The following HEG1 variants were observed in gnomAD, a reference collection of about 807,000 sequenced individuals.
The protein encoded by HEG1 is heart development protein with EGF like domains 1, also known as protein HEG homolog 1.
In HEG1, 56 loss-of-function variants were observed where a neutral mutation model predicts 125.6. That is an observed-to-expected ratio of 0.45 (90% CI 0.36 to 0.56). The LOEUF (loss-of-function observed/expected upper bound fraction) is 0.56. HEG1 is among the 20% of genes least tolerant of loss of function. The pLI, the probability that HEG1 is intolerant of heterozygous loss-of-function variation, is 0.00. For missense variants in HEG1, 1,523 were observed against 1,670.0 expected (o/e 0.91, Z 1.53); for synonymous variants, 644 against 668.5 (o/e 0.96, Z 0.57).
chr3:125,046,370 T>C (rs1004553916), intron 1 of HEG1, among the ~76,000 whole-genome samples: 1 of 143,918 alleles, frequency 6.9e-6, no homozygotes. Context: ...TTTTCATATA[T>C]ATGTATATGT....
rs1010911310 is a variant in HEG1, at chr3:124,966,984, C to T, written c.*3668G>A. ...TAGGAGTCCAAAGATGCTGCCTTCT[C>T]CCTTGGGCCCACTTTAAGAGTTACC... On this transcript the variant is annotated 3_prime_UTR_variant, in exon 17 of 17. Coordinates refer to ENST00000311127, the MANE Select transcript of HEG1 (RefSeq NM_020733.2). 3.3e-5 allele frequency: 5 copies of T among 152,200 alleles called. No homozygotes were observed. The highest frequency in any genetic ancestry group is 5.9e-5 in the Non-Finnish European group (4 of 68,034). The allele number at this position is 152,200 out of a possible 1,614,324, so 9.4% of individuals were successfully genotyped here.
rs1228806028 is a variant in HEG1 at position 125,001,452 on chromosome 3, GT to G, written c.3517+399del. 4.4e-4 allele frequency among the ~76,000 whole-genome samples: 67 copies of G among 151,836 alleles called. 2 individuals carry two copies. The highest frequency in any genetic ancestry group is 4.3e-3 in the Admixed American group (66 of 15,250). Reference sequence around the variant, plus strand: ...AGCCACTGCCTCTGGCCAGATGAAGGTTTTTTTGGGTCATTGACAAGCATGT... The same window carrying G: ...AGCCACTGCCTCTGGCCAGATGAAGGTTTTTTGGGTCATTGACAAGCATGT... On this transcript the variant is annotated intron_variant, in intron 11 of 16. Coordinates refer to ENST00000311127, the MANE Select transcript of HEG1 (RefSeq NM_020733.2).
chr3:124,977,805 C>A, intron 15 of HEG1, 54 bp downstream of exon 15: 3 of 1,182,492 alleles, frequency 2.5e-6, no homozygotes, highest in Non-Finnish European at 2.5e-6. Context: ...CAAACTGACC[C>A]TTGTATAGCA....
At chr3:125,029,735 C>CA (rs1004265993) in intron 1 of HEG1, among the ~76,000 whole-genome samples, 17 of 151,926 alleles carry the variant, frequency 1.1e-4, no homozygotes, top group Admixed American at 5.9e-4. Context: ...ATTAAAAATA[C>CA]AAAAAAATTA....
At position 125,055,763 on chromosome 3, in the gene HEG1, C is replaced by G; in HGVS notation, c.128G>C (p.Ser43Thr). The change falls in exon 1 of 17, where the codon AGC becomes ACC. Residue 43 changes from serine (S) to threonine (T), a missense_variant. Coordinates refer to ENST00000311127, the MANE Select transcript of HEG1 (RefSeq NM_020733.2). ...CCCCGCTCCCGCGAGGGGCGCCAGG[C>G]TCAGCGCGCGGCGAGCCGGGGAAGG... is the stretch of plus-strand genomic sequence containing the variant. ...PPPSPARRALSLAPLAGAGLE... is the reference protein window; with the variant it reads ...PPPSPARRALTLAPLAGAGLE... 1 of 1,004,796 alleles carries G rather than the reference C, an allele frequency of 1.0e-6. No homozygotes were observed. The highest frequency in any genetic ancestry group is 1.2e-6 in the Non-Finnish European group (1 of 844,316). 62.2% of individuals were successfully genotyped at this position (1,004,796 alleles called of 1,614,324 possible). A position where few individuals can be genotyped will look rare whatever the true frequency, so the allele number is the denominator to read the frequency against.
rs79649861 is a variant in HEG1, at chr3:125,010,067, A to G, written c.3074-243T>C. On this transcript the variant is annotated intron_variant, in intron 7 of 16. Transcript: ENST00000311127. The stretch of plus-strand genomic sequence containing the variant: ...ATATACGGGGGAAACAGCAAATTTT[A>G]ATGGAGGGGAGAATTAAAGACTGTT... 3.0e-3 allele frequency among the ~76,000 whole-genome samples: 459 copies of G among 152,348 alleles called. 1 individual carries two copies. The highest frequency in any genetic ancestry group is 9.6e-3 in the African/African-American group (400 of 41,576).
At position 124,975,857 on chromosome 3, in the gene HEG1, C is replaced by T. The variant is rs188907340; in HGVS notation, c.3822-1952G>A. Among the ~76,000 whole-genome samples the T allele has an allele frequency of 1.8e-3, 275 of 152,332 alleles. 1 individual carries two copies. Among genetic ancestry groups the T allele is most frequent in the South Asian group, 5.0e-3 (24 of 4,832 alleles). Reference sequence around the variant, plus strand: ...ACCCATGTTATAGTATGTATCAGTACTTCATTCATTTTATGCCGGAATCAT... The same window carrying T: ...ACCCATGTTATAGTATGTATCAGTATTTCATTCATTTTATGCCGGAATCAT... On this transcript the variant is annotated intron_variant, in intron 15 of 16. Transcript: ENST00000311127.
At chr3:124,976,259 G>C (rs7621269) in intron 15 of HEG1, among the ~76,000 whole-genome samples, 53,408 of 151,654 alleles carry the variant, frequency 0.35, 10,235 homozygotes, top group African/African-American at 0.51. Context: ...ATGATCTCAG[G>C]TCACTGCACC....
chr3:125,045,586 T>A (rs769758633), intron 1 of HEG1, among the ~76,000 whole-genome samples: 2 of 152,160 alleles, frequency 1.3e-5, no homozygotes, highest in Non-Finnish European at 2.9e-5. Flanking sequence ...CACAGACAGA[T>A]GACAGGACAG....
In HEG1 at chr3:124,966,190, AT is replaced by A. The variant is rs1189299029; in HGVS notation, c.*4461del. ...ATCTGTAATGAAGTATGTTAAGTGC[AT>A]TTTAAAAATCTGAATATGCAAATTC... is the stretch of plus-strand genomic sequence containing the variant. On this transcript the variant is annotated 3_prime_UTR_variant, in exon 17 of 17. Coordinates refer to ENST00000311127, the MANE Select transcript of HEG1 (RefSeq NM_020733.2). 1 of 152,244 alleles carries A rather than the reference AT, an allele frequency of 6.6e-6. No individual in the cohort carries two copies. The highest frequency in any genetic ancestry group is 1.5e-5 in the Non-Finnish European group (1 of 68,038). The allele number at this position is 152,244 out of a possible 1,614,324, so 9.4% of individuals were successfully genotyped here.
At chr3:125,052,115 G>T (rs554580450) in intron 1 of HEG1, among the ~76,000 whole-genome samples, 2 of 152,082 alleles carry the variant, frequency 1.3e-5, no homozygotes, top group South Asian at 4.2e-4. Context: ...ATGCACCACG[G>T]AGAGTCCCTT....
chr3:125,021,229 A>G (rs1210332466), intron 3 of HEG1, 99 bp from the exon 4 acceptor site: 9 of 846,494 alleles, frequency 1.1e-5, no homozygotes, highest in Non-Finnish European at 1.6e-5. Flanking sequence ...TTTGGTGGAT[A>G]CATCTAAATA....
At chr3:124,991,033 C>T in intron 12 of HEG1, 47 bp from the exon 13 acceptor site, 1 of 1,452,624 alleles carries the variant, frequency 6.9e-7, no homozygotes, top group Non-Finnish European at 9.4e-7. Context: ...TTACCTCTCC[C>T]AAACTCCCAG....
intron 16 of HEG1, among the ~76,000 whole-genome samples, 174 bp downstream of exon 16, chr3:124,973,557 C>G (rs1276821390): frequency 6.6e-6 from 1 of 152,194 alleles, no homozygotes; most frequent in Non-Finnish European, 1.5e-5. Context: ...AATAGCAACA[C>G]TGATAAGTAC....
At chr3:125,011,362 A>G (rs1409395400) in intron 6 of HEG1, among the ~76,000 whole-genome samples, 2 of 152,242 alleles carry the variant, frequency 1.3e-5, no homozygotes, top group Admixed American at 1.3e-4. Flanking sequence ...CAGCACTTAT[A>G]TAGCCAAACA....
At position 124,969,993 on chromosome 3, in the gene HEG1, A is replaced by G. The variant is rs1349387118; in HGVS notation, c.*659T>C. ...TGTGTCACCTTGACTTAAAAAACAC[A>G]TTGCAGTTGTGTGCGGTGCCTCACA... On this transcript the variant is annotated 3_prime_UTR_variant, in exon 17 of 17. Transcript: ENST00000311127. The G allele has an allele frequency of 1.3e-5, 2 of 152,236 alleles. No individual in the cohort carries two copies. Among genetic ancestry groups the G allele is most frequent in the Non-Finnish European group, 2.9e-5 (2 of 68,054 alleles). 9.4% of individuals were successfully genotyped at this position (152,236 alleles called of 1,614,324 possible).
intron 16 of HEG1, among the ~76,000 whole-genome samples, chr3:124,973,424 T>A (rs1205948251): frequency 1.3e-5 from 2 of 152,190 alleles, no homozygotes; most frequent in African/African-American, 4.8e-5. Flanking sequence ...TAAATATCAC[T>A]AAATTCTTGC....
chr3:125,042,570 A>G (rs892038712), intron 1 of HEG1, among the ~76,000 whole-genome samples: 5 of 152,216 alleles, frequency 3.3e-5, no homozygotes, highest in South Asian at 2.1e-4. Context: ...ATAAGTCCCT[A>G]TGATGCTTCT....
At chr3:125,010,767 G>A (rs989586515) in intron 6 of HEG1, among the ~76,000 whole-genome samples, 2 of 152,246 alleles carry the variant, frequency 1.3e-5, no homozygotes, top group Admixed American at 1.3e-4. Context: ...CTAAGTGTCA[G>A]ACAATGGGAT....
Sources: allele counts gnomAD v4.1 joint callset (sites outside exome capture counted in the v4.1 genomes callset), GRCh38; gene constraint gnomAD v4.1.1; transcripts MANE v1.5; gene names NCBI Gene and HGNC (gene_info 2026-07-23, HGNC 2026-07-21).